The following TENM2 variants were observed in gnomAD, a reference collection of about 807,000 sequenced individuals.
The protein encoded by TENM2 is teneurin transmembrane protein 2.
In TENM2, 52 loss-of-function variants were observed where a neutral mutation model predicts 245.2. The observed-to-expected ratio is 0.21, with a 90% CI of 0.17 to 0.27. The LOEUF (loss-of-function observed/expected upper bound fraction) is 0.27. TENM2 is among the 10% of genes least tolerant of loss of function. The pLI is 1.00. For missense variants in TENM2, 3,046 were observed against 3,666.8 expected, an observed-to-expected ratio of 0.83 and a Z score of 4.37; for synonymous variants, 1,363 against 1,438.9, an observed-to-expected ratio of 0.95 and a Z score of 1.19.
At chr5:167,408,106 A>G (rs892565801) in intron 2 of TENM2, among the ~76,000 whole-genome samples, 3 of 152,150 alleles carry the variant, frequency 2.0e-5, no homozygotes, top group Non-Finnish European at 4.4e-5. Context: ...GTTATATTTG[A>G]ATATATCAAA....
intron 16 of TENM2, 105 bp from the exon 19 acceptor site, chr5:168,199,759 A>T: frequency 8.0e-7 from 1 of 1,243,256 alleles, no homozygotes; most frequent in Non-Finnish European, 1.1e-6. Flanking sequence ...CCCACATAAG[A>T]TGTGATGCCT....
In TENM2 at chr5:167,568,294, A is replaced by G. The variant is rs566307892; in HGVS notation, c.502+192821A>G. 2.6e-4 allele frequency among the ~76,000 whole-genome samples: 40 copies of G among 152,254 alleles called. 1 individual carries two copies. The highest frequency in any genetic ancestry group is 1.0e-3 in the Admixed American group (16 of 15,282). ...TACATTTAACAAATCCTTCCATGCAAAAGGAAAACATAGGGAGATAGCAGG... is the reference window on the plus strand; with the variant it reads ...TACATTTAACAAATCCTTCCATGCAGAAGGAAAACATAGGGAGATAGCAGG... On this transcript the variant is annotated intron_variant, in intron 2 of 28. Coordinates refer to ENST00000518659, the Ensembl canonical transcript of TENM2.
chr5:168,117,219 A>G (rs897063413), intron 9 of TENM2, among the ~76,000 whole-genome samples: 4 of 152,236 alleles, frequency 2.6e-5, no homozygotes, highest in African/African-American at 9.6e-5. Flanking sequence ...GGAAGAGGGT[A>G]CAGCTGATGG....
chr5:167,605,385 C>T (rs1776957567), intron 2 of TENM2, among the ~76,000 whole-genome samples: 1 of 152,074 alleles, frequency 6.6e-6, no homozygotes, highest in Non-Finnish European at 1.5e-5. Context: ...AATAAACATT[C>T]GATGTTGAGC....
chr5:168,077,009 C>T (rs1791535018), intron 7 of TENM2, among the ~76,000 whole-genome samples: 1 of 152,278 alleles, frequency 6.6e-6, no homozygotes, highest in South Asian at 2.1e-4. Flanking sequence ...GTGTGAATCT[C>T]AGCCCCACCA....
intron 5 of TENM2, among the ~76,000 whole-genome samples, chr5:168,015,816 T>C (rs1785603944): frequency 6.6e-6 from 1 of 152,202 alleles, no homozygotes; most frequent in Non-Finnish European, 1.5e-5. Flanking sequence ...TGATAGTAGC[T>C]AACACATGGT....
chr5:167,721,772 G>C (rs543362453), intron 2 of TENM2, among the ~76,000 whole-genome samples: 1 of 152,218 alleles, frequency 6.6e-6, no homozygotes, highest in African/African-American at 2.4e-5. Flanking sequence ...ATATTCCCAA[G>C]TCCTAGGCAT....
rs77557494 is a variant in TENM2 at position 167,679,569 on chromosome 5, C to A, written c.503-196417C>A. 6.6e-4 allele frequency among the ~76,000 whole-genome samples: 101 copies of A among 152,174 alleles called. 1 individual carries two copies. In the East Asian group the frequency reaches 0.019, roughly 29 times the overall value. On this transcript the variant is annotated intron_variant, in intron 2 of 28. Transcript: ENST00000518659. ...TAATATATTCATAATTCCACTCTTA[C>A]CAGTTTTCTCTCTTGGTACTGCATG...
intron 15 of TENM2, among the ~76,000 whole-genome samples, chr5:168,197,032 C>T (rs1464386809): frequency 6.6e-6 from 1 of 152,226 alleles, no homozygotes; most frequent in Non-Finnish European, 1.5e-5. Context: ...CAATCTGTTG[C>T]ATAGTGGCGT....
intron 1 of TENM2, among the ~76,000 whole-genome samples, chr5:167,336,888 C>A (rs375284787): frequency 2.6e-4 from 39 of 150,642 alleles, no homozygotes; most frequent in Middle Eastern, 3.4e-3. Context: ...GAGGCCGAGG[C>A]GGGTGGATCA....
chr5:167,729,015 A>G (rs1428894681), intron 2 of TENM2: 1 of 152,190 alleles, frequency 6.6e-6, no homozygotes, highest in East Asian at 1.9e-4. Context: ...TGATAACCCA[A>G]TTTCATTTTA....
chr5:167,013,479 G>A, the TENM2 span, among the ~76,000 whole-genome samples: 8 of 151,066 alleles, frequency 5.3e-5, no homozygotes, highest in African/African-American at 1.7e-4. Flanking sequence ...TTTTTTTCCC[G>A]AAAAGCTGAC....
At chr5:167,723,331 T>G (rs1366072779) in intron 2 of TENM2, among the ~76,000 whole-genome samples, 1 of 152,194 alleles carries the variant, frequency 6.6e-6, no homozygotes. Context: ...CTCACTCTTG[T>G]GCAGTCATGT....
At chr5:167,575,662 C>G (rs1235999695) in intron 2 of TENM2, among the ~76,000 whole-genome samples, 1 of 152,140 alleles carries the variant, frequency 6.6e-6, no homozygotes, top group African/African-American at 2.4e-5. Context: ...TGGAAGTTCC[C>G]TGGGAAGCCC....
At chr5:167,908,448 C>A (rs1387775754) in intron 3 of TENM2, among the ~76,000 whole-genome samples, 4 of 78,894 alleles carry the variant, frequency 5.1e-5, no homozygotes, top group Non-Finnish European at 1.0e-4. Flanking sequence ...CCCCTTCCCT[C>A]CCCTCCCTTC....
intron 3 of TENM2, among the ~76,000 whole-genome samples, chr5:167,899,468 C>T (rs1038998465): frequency 6.6e-6 from 1 of 152,240 alleles, no homozygotes; most frequent in Non-Finnish European, 1.5e-5. Flanking sequence ...TCGTGTGCCA[C>T]GCTCCTGGCC....
rs78980881 is a variant in TENM2 at position 167,670,278 on chromosome 5, T to G, written c.503-205708T>G. 7.6e-3 allele frequency among the ~76,000 whole-genome samples: 1,154 copies of G among 152,270 alleles called. 10 individuals are homozygous for G. The highest frequency in any genetic ancestry group is 0.024 in the African/African-American group (1,001 of 41,552). The stretch of plus-strand genomic sequence containing the variant: ...ATCCTTCTCTGTCCTCTTTGAAATT[T>G]TAAGGATCAAAACTCCCAAGGTGTC... On this transcript the variant is annotated intron_variant, in intron 2 of 28. Transcript: ENST00000518659.
chr5:167,615,694 A>G (rs1180974226), intron 2 of TENM2, among the ~76,000 whole-genome samples: 2 of 152,064 alleles, frequency 1.3e-5, no homozygotes, highest in Non-Finnish European at 2.9e-5. Context: ...TCTTAGTTAT[A>G]ATTAAGAGAG....
intron 2 of TENM2, among the ~76,000 whole-genome samples, chr5:167,809,301 A>T (rs1225230543): frequency 6.6e-6 from 1 of 152,122 alleles, no homozygotes; most frequent in Non-Finnish European, 1.5e-5. Context: ...AAATACAGTG[A>T]CCTGTTTAAA....
Sources: gnomAD v4.1 joint callset for allele counts (sites outside exome capture counted in the v4.1 genomes callset) on GRCh38, gnomAD v4.1.1 for gene constraint, MANE v1.5 for transcripts, NCBI Gene and HGNC (gene_info 2026-07-23, HGNC 2026-07-21) for gene names.